Variants in COL4A2 observed in about 807,000 individuals in gnomAD.
COL4A2 encodes the protein collagen alpha-2(IV) chain.
A neutral mutation model predicts 200.2 loss-of-function variants in COL4A2; 99 were observed. The ratio of observed to expected loss-of-function variants is 0.49; its 90% CI spans 0.42 to 0.58. COL4A2 has a LOEUF of 0.58. COL4A2 is among the 20% of genes least tolerant of loss of function. COL4A2 has a pLI of 0.00. For missense variants in COL4A2, 1,950 were observed against 2,314.1 expected (o/e 0.84, Z 3.23); for synonymous variants, 897 against 900.6 (o/e 1.00, Z 0.07).
intron 4 of COL4A2, among the ~76,000 whole-genome samples, chr13:110,421,450 A>AT (rs1268510815): frequency 6.6e-6 from 1 of 152,238 alleles, no homozygotes; most frequent in Non-Finnish European, 1.5e-5. Flanking sequence ...CCCCAAAAAC[A>AT]TGATCACTAA....
At chr13:110,328,900 A>G (rs1875771003) in intron 3 of COL4A2, among the ~76,000 whole-genome samples, 1 of 152,206 alleles carries the variant, frequency 6.6e-6, no homozygotes, top group Non-Finnish European at 1.5e-5. Flanking sequence ...TTTTTGAGAA[A>G]ATTACATGAC....
intron 4 of COL4A2, among the ~76,000 whole-genome samples, chr13:110,408,174 G>C (rs1246876895): frequency 6.6e-6 from 1 of 152,148 alleles, no homozygotes; most frequent in Non-Finnish European, 1.5e-5. Context: ...AGGCGGGTCC[G>C]TGGCCACCAG....
intron 37 of COL4A2, 95 bp from the exon 38 acceptor site, chr13:110,491,975 C>A: frequency 9.2e-7 from 1 of 1,086,586 alleles, no homozygotes; most frequent in Non-Finnish European, 1.3e-6. Context: ...CGGCCCTCGG[C>A]CCCTCCCAGA....
chr13:110,346,067 C>T (rs562296031), intron 3 of COL4A2, among the ~76,000 whole-genome samples: 183 of 152,254 alleles, frequency 1.2e-3, no homozygotes, highest in Non-Finnish European at 1.7e-3. Context: ...CCTCTATCAC[C>T]CTCACAACCT....
At position 110,449,778 on chromosome 13, in the gene COL4A2, T is replaced by C; in HGVS notation, c.1178T>C (p.Ile393Thr). Residue 393 changes from isoleucine to threonine, a missense_variant, in exon 19 of 48, where the codon ATC (isoleucine) becomes ACC (threonine). By Grantham distance (89) the Ile-to-Thr change is moderately conservative. Transcript: ENST00000360467. ...PGLPGPPGLS[I>T]GDGDQRRGLP... ...CTCCCAGGTCCCCCTGGCCTCTCCA[T>C]CGGAGATGGAGGTAATGTGGCTTCA... is the stretch of plus-strand genomic sequence containing the variant. 1 of 1,548,212 alleles carries C rather than the reference T, an allele frequency of 6.5e-7. No homozygotes were observed. The highest frequency in any genetic ancestry group is 8.7e-7 in the Non-Finnish European group (1 of 1,146,490).
intron 4 of COL4A2, among the ~76,000 whole-genome samples, chr13:110,399,898 A>T (rs1879313016): frequency 6.6e-6 from 1 of 152,198 alleles, no homozygotes; most frequent in Admixed American, 6.5e-5. Flanking sequence ...TAATTGCAGA[A>T]GTTCCATCTG....
chr13:110,473,134 C>T lies in COL4A2; in HGVS notation c.2409C>T (p.Gly803=), dbSNP rs780021950. The change falls in exon 29 of 48, where the codon GGC becomes GGT. Residue 803 remains glycine (G), a synonymous_variant. Transcript: ENST00000360467. ...PGLKGLPGDR[G]PPGFRGSQGM... ...TTAAAGGCCTTCCCGGAGACAGAGG[C>T]CCCCCTGGATTCAGAGGTGAGTGCC... 3 of 1,556,578 alleles carry T rather than the reference C, an allele frequency of 1.9e-6. No homozygotes were observed. The highest frequency in any genetic ancestry group is 2.4e-5 in the East Asian group (1 of 41,706).
chr13:110,508,345 G>A lies in COL4A2; in HGVS notation c.4881+124G>A. 1 of 1,472,174 alleles carries A rather than the reference G, an allele frequency of 6.8e-7. No individual in the cohort carries two copies. Among genetic ancestry groups the A allele is most frequent in the Non-Finnish European group, 9.2e-7 (1 of 1,086,404 alleles). The allele number at this position is 1,472,174 out of a possible 1,614,324, so 91.2% of individuals were successfully genotyped here. On this transcript the variant is annotated intron_variant, in intron 47 of 47. Transcript: ENST00000360467. This position sits in a 1 kb window ranked among gnomAD's most constrained non-coding sequence, Gnocchi z 6.1. ...GGGTGTGCACTGCACAAGGGTAGTTGGCCCAGGAAGCGAGCGAGAGCTGGA... is the reference window on the plus strand; with the variant it reads ...GGGTGTGCACTGCACAAGGGTAGTTAGCCCAGGAAGCGAGCGAGAGCTGGA...
At chr13:110,375,694 G>C (rs1178873114) in intron 4 of COL4A2, among the ~76,000 whole-genome samples, 1 of 152,098 alleles carries the variant, frequency 6.6e-6, no homozygotes, top group Non-Finnish European at 1.5e-5. Flanking sequence ...GCTTAGTGTT[G>C]TGACGCACAC....
chr13:110,403,531 C>G (rs1055590633), intron 4 of COL4A2, among the ~76,000 whole-genome samples: 1 of 152,180 alleles, frequency 6.6e-6, no homozygotes, highest in Non-Finnish European at 1.5e-5. Flanking sequence ...ATCAGAATGG[C>G]CTTTCCTGTA....
intron 40 of COL4A2, among the ~76,000 whole-genome samples, chr13:110,497,817 C>T (rs12874177): frequency 0.2 from 12,773 of 62,702 alleles, 84 homozygotes; most frequent in Non-Finnish European, 0.26. Flanking sequence ...TCCAGCAGCA[C>T]AGCCTCAGTC....
intron 3 of COL4A2, among the ~76,000 whole-genome samples, chr13:110,345,142 G>T (rs1391403723): frequency 1.3e-5 from 2 of 152,132 alleles, no homozygotes; most frequent in African/African-American, 4.8e-5. Flanking sequence ...CAAGGTGAGT[G>T]GCTGGTGTGT....
At chr13:110,492,562 C>T (rs1206544524) in intron 38 of COL4A2, among the ~76,000 whole-genome samples, 6 of 152,230 alleles carry the variant, frequency 3.9e-5, no homozygotes, top group South Asian at 2.1e-4. Flanking sequence ...AGCCCCGAGA[C>T]GGGCCACCCT....
chr13:110,408,190 C>A (rs1879644777), intron 4 of COL4A2, among the ~76,000 whole-genome samples: 1 of 152,130 alleles, frequency 6.6e-6, no homozygotes, highest in Non-Finnish European at 1.5e-5. Flanking sequence ...ACCAGAAGAG[C>A]CCATTCCAGG....
Position 110,450,455 on chromosome 13 carries a change from G to A in COL4A2, c.1339+1G>A, listed in dbSNP as rs921561390. 2 of 1,613,716 alleles carry A rather than the reference G, an allele frequency of 1.2e-6. No individual in the cohort carries two copies. The highest frequency in any genetic ancestry group is 1.7e-6 in the Non-Finnish European group (2 of 1,179,914). ...CTCCCTGGACCACCTGGACCTGATG[G>A]TGAGTGGAGGGAAACAAAAGGGAGG... On this transcript the variant is annotated splice_donor_variant, in intron 20 of 47. Transcript: ENST00000360467. LOFTEE classifies it high-confidence loss of function.
chr13:110,415,591 C>CGATATA (rs1460861545), intron 4 of COL4A2, among the ~76,000 whole-genome samples: 3 of 152,176 alleles, frequency 2.0e-5, no homozygotes, highest in Admixed American at 2.0e-4. Context: ...CGTAGCGGAA[C>CGATATA]CAACTCAATA....
rs769155086 is a variant in COL4A2, at chr13:110,428,475, G to A, written c.369G>A (p.Pro123=). The change falls in exon 7 of 48, where the codon CCG becomes CCA. Residue 123 remains proline, a synonymous_variant. Transcript: ENST00000360467. ...ACTGCTCTCTTTCCCAGGGACACCC[G>A]GGGCAAGGTGGGCCCAGGGGAAGGC... is the stretch of plus-strand genomic sequence containing the variant. ...FPGADGIPGH[P]GQGGPRGRPG... The A allele has an allele frequency of 1.8e-5, 29 of 1,571,836 alleles. No individual in the cohort carries two copies. Among genetic ancestry groups the A allele is most frequent in the Admixed American group, 6.0e-5 (3 of 50,306 alleles).
At chr13:110,343,586 T>C (rs949130811) in intron 3 of COL4A2, among the ~76,000 whole-genome samples, 4 of 152,158 alleles carry the variant, frequency 2.6e-5, no homozygotes, top group Non-Finnish European at 5.9e-5. Flanking sequence ...ATGGGTGTGG[T>C]GTTGTCCATG....
At chr13:110,378,832 C>T (rs1017592379) in intron 4 of COL4A2, among the ~76,000 whole-genome samples, 7 of 152,094 alleles carry the variant, frequency 4.6e-5, no homozygotes, top group African/African-American at 1.7e-4. Flanking sequence ...TTCGGTCCCG[C>T]GGTGTATTTC....
Sources: gnomAD v4.1 joint callset for allele counts (sites outside exome capture counted in the v4.1 genomes callset) on GRCh38, gnomAD v4.1.1 for gene constraint, Gnocchi (gnomAD v3.1) non-coding constraint, MANE v1.5 for transcripts, NCBI Gene and HGNC (gene_info 2026-07-23, HGNC 2026-07-21) for gene names.